OIT3: variants seen among roughly 807,000 people sequenced by gnomAD.
OIT3 encodes oncoprotein induced transcript 3, also known as oncoprotein-induced transcript 3 protein.
A neutral mutation model predicts 52.2 loss-of-function variants in OIT3; 41 were observed. That is an observed-to-expected ratio of 0.79 (90% CI 0.61 to 1.02). The LOEUF is 1.02. OIT3 is among the 50% of genes least tolerant of loss of function. The pLI is 0.00. For synonymous variants in OIT3, 244 were observed against 276.9 expected, an observed-to-expected ratio of 0.88 and a Z score of 1.18; for missense variants, 634 against 715.5, an observed-to-expected ratio of 0.89 and a Z score of 1.30.
intron 3 of OIT3, among the ~76,000 whole-genome samples, chr10:72,905,686 C>A (rs975540591): frequency 1.3e-5 from 2 of 152,142 alleles, no homozygotes; most frequent in African/African-American, 2.4e-5. Context: ...CATGGCAGAG[C>A]CCTGGCTTGG....
chr10:72,932,510 G>A lies in OIT3; in HGVS notation c.1624G>A (p.Asp542Asn), dbSNP rs200807563. The change falls in exon 9 of 9, where the codon GAC (aspartate) becomes AAC (asparagine). Residue 542 changes from aspartate to asparagine, a missense_variant. Asp to Asn is a conservative substitution (Grantham distance 23). Coordinates refer to ENST00000334011, the MANE Select transcript of OIT3 (RefSeq NM_152635.3). ...GCTAACAGGCGGCCCGATCCGCATC[G>A]ACTGGGAGGACTAGTTCGTAGCCAT... ...QTLTGGPIRI[D>N]WED 182 of 1,604,876 alleles carry A rather than the reference G, an allele frequency of 1.1e-4. No homozygotes were observed. The highest frequency in any genetic ancestry group is 1.5e-4 in the Non-Finnish European group (178 of 1,175,336).
Position 72,893,830 on chromosome 10 carries a change from T to G in OIT3, c.32T>G (p.Phe11Cys). Residue 11 changes from phenylalanine (F) to cysteine (C), a missense_variant, in exon 1 of 9, where the codon TTC becomes TGC. Transcript: ENST00000334011. ...CCATTCCTGCTTCTCACCTGCCTCTTCATCACAGGCACCTCCGTGTCACCC... is the reference window on the plus strand; with the variant it reads ...CCATTCCTGCTTCTCACCTGCCTCTGCATCACAGGCACCTCCGTGTCACCC... MPPFLLLTCL[F>C]ITGTSVSPVA... The G allele has an allele frequency of 6.2e-7, 1 of 1,610,694 alleles. No homozygotes were observed. Among genetic ancestry groups the G allele is most frequent in the Admixed American group, 1.7e-5 (1 of 59,446 alleles).
In OIT3 at chr10:72,932,507, A is replaced by C; in HGVS notation, c.1621A>C (p.Ile541Leu). 1.2e-6 allele frequency: 2 copies of C among 1,607,852 alleles called. No individual in the cohort carries two copies. Among genetic ancestry groups the C allele is most frequent in the Non-Finnish European group, 1.7e-6 (2 of 1,176,852 alleles). The change falls in exon 9 of 9, where the codon ATC (isoleucine) becomes CTC (leucine). Residue 541 changes from isoleucine to leucine, a missense_variant. Coordinates refer to ENST00000334011, the MANE Select transcript of OIT3 (RefSeq NM_152635.3). ...GQTLTGGPIR[I>L]DWED is the part of the protein sequence containing the mutation. ...GACGCTAACAGGCGGCCCGATCCGC[A>C]TCGACTGGGAGGACTAGTTCGTAGC...
At chr10:72,899,754 TAGATGATA>T (rs1360589652) in intron 2 of OIT3, among the ~76,000 whole-genome samples, 3 of 143,198 alleles carry the variant, frequency 2.1e-5, no homozygotes, top group Non-Finnish European at 3.0e-5. Context: ...GATAGATAGA[TAGATGATA>T]GATAGATAAT....
chr10:72,929,418 C>T (rs144577067), intron 7 of OIT3, among the ~76,000 whole-genome samples: 24 of 151,786 alleles, frequency 1.6e-4, no homozygotes, highest in Admixed American at 5.3e-4. Context: ...GAGGGTGATT[C>T]TTGGCCTATA....
chr10:72,914,859 G>T (rs2132939540), intron 6 of OIT3, among the ~76,000 whole-genome samples: 1 of 152,118 alleles, frequency 6.6e-6, no homozygotes, highest in African/African-American at 2.4e-5. Flanking sequence ...GAAGTAGTGT[G>T]TAAAACTCTT....
chr10:72,926,842 T>A (rs1846173720), intron 7 of OIT3, among the ~76,000 whole-genome samples: 1 of 152,162 alleles, frequency 6.6e-6, no homozygotes, highest in African/African-American at 2.4e-5. Context: ...TCCTTTTTAC[T>A]TTTTTTAAAA....
chr10:72,899,851 TGTCA>T (rs747045495), intron 2 of OIT3, among the ~76,000 whole-genome samples: 2 of 152,294 alleles, frequency 1.3e-5, no homozygotes, highest in East Asian at 3.9e-4. Context: ...AGCTACTTTA[TGTCA>T]GTAATACTTT....
At chr10:72,900,294 A>ACCCC in intron 2 of OIT3, 83 bp from the exon 3 acceptor site, 21 of 421,158 alleles carry the variant, frequency 5.0e-5, no homozygotes, top group South Asian at 1.3e-4. Flanking sequence ...ACCCCCCCCG[A>ACCCC]CCCCCCGCAC....
At chr10:72,921,538 A>G (rs1176649727) in intron 6 of OIT3, among the ~76,000 whole-genome samples, 3 of 152,186 alleles carry the variant, frequency 2.0e-5, no homozygotes, top group African/African-American at 7.2e-5. Context: ...CAGGAGCTCC[A>G]GTAAGGCAGG....
rs1401776896 is a variant in OIT3 at position 72,924,254 on chromosome 10, G to A, written c.977G>A (p.Ser326Asn). The A allele has an allele frequency of 4.4e-6, 7 of 1,600,448 alleles. No individual in the cohort carries two copies. Among genetic ancestry groups the A allele is most frequent in the Non-Finnish European group, 6.0e-6 (7 of 1,170,092 alleles). Residue 326 changes from serine (S) to asparagine (N), a missense_variant, in exon 7 of 9, where the codon AGC (serine) becomes AAC (asparagine). Physicochemically the swap from Ser to Asn is conservative, Grantham distance 46. Coordinates refer to ENST00000334011, the MANE Select transcript of OIT3 (RefSeq NM_152635.3). ...GTGGTGAATGACAAGATTGTGGCCAGCAACCTCGTGACAGGTCTACCCAAG... is the reference window on the plus strand; with the variant it reads ...GTGGTGAATGACAAGATTGTGGCCAACAACCTCGTGACAGGTCTACCCAAG... The part of the protein sequence containing the change: ...VDVVNDKIVA[S>N]NLVTGLPKQT...
At chr10:72,904,969 G>T (rs1403443067) in intron 3 of OIT3, among the ~76,000 whole-genome samples, 1 of 152,182 alleles carries the variant, frequency 6.6e-6, no homozygotes, top group African/African-American at 2.4e-5. Context: ...AAGGTGAAGG[G>T]TGCTGGCATG....
At chr10:72,920,608 C>G (rs1350451623) in intron 6 of OIT3, among the ~76,000 whole-genome samples, 1 of 152,070 alleles carries the variant, frequency 6.6e-6, no homozygotes, top group East Asian at 1.9e-4. Context: ...AACCTGTGCC[C>G]CTGAGATTCT....
chr10:72,913,524 G>A, intron 6 of OIT3, 56 bp downstream of exon 6: 1 of 1,401,906 alleles, frequency 7.1e-7, no homozygotes, highest in Non-Finnish European at 1.0e-6. Flanking sequence ...TATTTGGGAG[G>A]CAGTGGACAG....
chr10:72,926,164 G>A (rs901468470), intron 7 of OIT3, among the ~76,000 whole-genome samples: 1 of 152,188 alleles, frequency 6.6e-6, no homozygotes, highest in Non-Finnish European at 1.5e-5. Context: ...GGTCCAGTAC[G>A]AGCAGCTCAG....
In OIT3 at chr10:72,918,500, A is replaced by G; in HGVS notation, c.951+5032A>G. The G allele has an allele frequency of 2.2e-6, 3 of 1,392,270 alleles. No homozygotes were observed. The East Asian group carries it at 6.9e-5, about 32-fold the overall frequency. 86.2% of individuals were successfully genotyped at this position (1,392,270 alleles called of 1,614,324 possible). A position where few individuals can be genotyped will look rare whatever the true frequency, so the allele number is the denominator to read the frequency against. ...ACCAAAAAGATAGTTCTGGGGCCTC[A>G]GGAGGCTCATGTCCATGTCCATCGA... On this transcript the variant is annotated intron_variant, in intron 6 of 8. Coordinates refer to ENST00000334011, the MANE Select transcript of OIT3 (RefSeq NM_152635.3).
At position 72,893,797 on chromosome 10, in the gene OIT3, G is replaced by A; in HGVS notation, c.-2G>A. ...AGTGTTTCTGGCAGTTGGTCCAGAA[G>A]GATGCCTCCATTCCTGCTTCTCACC... On this transcript the variant is annotated 5_prime_UTR_variant, in exon 1 of 9. Transcript: ENST00000334011. The A allele has an allele frequency of 1.2e-6, 2 of 1,609,264 alleles. No individual in the cohort carries two copies. The highest frequency in any genetic ancestry group is 8.5e-7 in the Non-Finnish European group (1 of 1,177,880).
intron 6 of OIT3, 42 bp downstream of exon 6, chr10:72,913,510 C>T (rs113472875): frequency 2.8e-5 from 43 of 1,533,548 alleles, no homozygotes; most frequent in African/African-American, 2.2e-4. Context: ...GACCAAAAGC[C>T]GGTTATTTGG....
intron 1 of OIT3, among the ~76,000 whole-genome samples, chr10:72,896,563 T>C (rs1057144656): frequency 6.6e-6 from 1 of 152,246 alleles, no homozygotes; most frequent in Non-Finnish European, 1.5e-5. Context: ...TACATTGTCA[T>C]ATTTTCTTGG....
Sources: gnomAD v4.1 joint callset for allele counts (sites outside exome capture counted in the v4.1 genomes callset) on GRCh38, gnomAD v4.1.1 for gene constraint, MANE v1.5 for transcripts, NCBI Gene and HGNC (gene_info 2026-07-23, HGNC 2026-07-21) for gene names.